Variants in NEGR1 observed in about 807,000 individuals in gnomAD.
NEGR1 encodes the protein neuronal growth regulator 1.
NEGR1 carries 10 observed loss-of-function variants against 40.9 expected under a neutral mutation model. That is an observed-to-expected ratio of 0.24 (90% CI 0.15 to 0.42). The LOEUF is 0.42. NEGR1 is among the 10% of genes least tolerant of loss of function. The pLI is 1.00. For synonymous variants in NEGR1, 185 were observed against 166.8 expected (o/e 1.11, Z -0.84); for missense variants, 352 against 438.9 (o/e 0.80, Z 1.77).
intron 6 of NEGR1, among the ~76,000 whole-genome samples, chr1:71,452,226 C>G (rs1217686587): frequency 6.6e-6 from 1 of 152,070 alleles, no homozygotes; most frequent in Non-Finnish European, 1.5e-5. Context: ...ATCTCATATC[C>G]TTAGATTTTC....
chr1:71,784,490 G>A (rs1008026483), intron 2 of NEGR1, among the ~76,000 whole-genome samples: 1 of 151,970 alleles, frequency 6.6e-6, no homozygotes, highest in African/African-American at 2.4e-5. Context: ...GTGCAGTGGG[G>A]CACCATCCTG....
intron 1 of NEGR1, among the ~76,000 whole-genome samples, chr1:72,050,697 C>T (rs1434331991): frequency 6.6e-6 from 1 of 151,390 alleles, no homozygotes. Context: ...TTGTATAGTT[C>T]CCCATCTCAC....
intron 1 of NEGR1, among the ~76,000 whole-genome samples, chr1:71,938,377 T>TAC (rs773240362): frequency 7.5e-5 from 11 of 146,856 alleles, no homozygotes; most frequent in African/African-American, 1.2e-4. Context: ...CATACACACA[T>TAC]ACACACACAC....
chr1:72,034,269 T>C lies in NEGR1; in HGVS notation c.177-98958A>G, dbSNP rs562239224. On this transcript the variant is annotated intron_variant, in intron 1 of 6. Transcript: ENST00000357731. ...GGTGTGTTACTTCCCTGTAGTACTGTTTTATTTCTTTAGCCCTTGGAAAAC... is the reference window on the plus strand; with the variant it reads ...GGTGTGTTACTTCCCTGTAGTACTGCTTTATTTCTTTAGCCCTTGGAAAAC... 2.3e-3 allele frequency among the ~76,000 whole-genome samples: 358 copies of C among 152,344 alleles called. 1 individual carries two copies. The highest frequency in any genetic ancestry group is 8.2e-3 in the African/African-American group (340 of 41,588).
At chr1:72,047,135 TTTTG>T (rs974638750) in intron 1 of NEGR1, among the ~76,000 whole-genome samples, 2 of 151,378 alleles carry the variant, frequency 1.3e-5, no homozygotes, top group African/African-American at 4.8e-5. Flanking sequence ...TGCTGTTTTG[TTTTG>T]TTTTTTTTTT....
intron 2 of NEGR1, among the ~76,000 whole-genome samples, chr1:71,876,821 G>A (rs761513328): frequency 3.3e-5 from 5 of 152,018 alleles, no homozygotes; most frequent in Admixed American, 1.3e-4. Context: ...TTCACTGATG[G>A]ATAAACATTG....
chr1:71,810,975 T>G (rs1657981724), intron 2 of NEGR1, among the ~76,000 whole-genome samples: 1 of 152,164 alleles, frequency 6.6e-6, no homozygotes, highest in Non-Finnish European at 1.5e-5. Flanking sequence ...TTAAGGTATA[T>G]ATTTCTCAAA....
intron 6 of NEGR1, among the ~76,000 whole-genome samples, chr1:71,417,857 A>G (rs1646366557): frequency 6.6e-6 from 1 of 152,158 alleles, no homozygotes; most frequent in Non-Finnish European, 1.5e-5. Context: ...TTGGCCCACA[A>G]AGAAATGTTC....
chr1:71,995,911 A>G (rs1646500335), intron 1 of NEGR1, among the ~76,000 whole-genome samples: 1 of 152,178 alleles, frequency 6.6e-6, no homozygotes, highest in Non-Finnish European at 1.5e-5. Flanking sequence ...TCTTCCTAGT[A>G]GCTAGTTTTG....
intron 6 of NEGR1, among the ~76,000 whole-genome samples, chr1:71,508,742 G>T (rs560410562): frequency 6.6e-6 from 1 of 152,290 alleles, no homozygotes; most frequent in East Asian, 1.9e-4. Flanking sequence ...TAAACACGGG[G>T]TGGGTAACTC....
intron 1 of NEGR1, among the ~76,000 whole-genome samples, chr1:72,021,489 G>A (rs1361555703): frequency 6.6e-6 from 1 of 151,864 alleles, no homozygotes; most frequent in Non-Finnish European, 1.5e-5. Context: ...ATTAATATTA[G>A]CAAATAGCTG....
chr1:71,440,440 A>G (rs1246668626), intron 6 of NEGR1, among the ~76,000 whole-genome samples: 3 of 152,222 alleles, frequency 2.0e-5, no homozygotes, highest in Admixed American at 6.5e-5. Context: ...AAATTCTACT[A>G]ATTTTCAAGA....
chr1:71,740,821 A>G (rs1321260583), intron 3 of NEGR1, among the ~76,000 whole-genome samples: 1 of 152,134 alleles, frequency 6.6e-6, no homozygotes, highest in Non-Finnish European at 1.5e-5. Flanking sequence ...CATTGCCTTC[A>G]TAAGTAAGGA....
intron 2 of NEGR1, among the ~76,000 whole-genome samples, chr1:71,855,461 C>G (rs556560337): frequency 5.3e-5 from 8 of 151,984 alleles, no homozygotes; most frequent in Admixed American, 5.3e-4. Flanking sequence ...GCTGCCATAG[C>G]CATTTAACTT....
In NEGR1 at chr1:71,404,165, T is replaced by TATATA. The variant is rs201512378; in HGVS notation, c.*3280_*3281insTATAT. 13 of 142,540 alleles carry TATATA rather than the reference T, an allele frequency of 9.1e-5. No individual in the cohort carries two copies. Among genetic ancestry groups the TATATA allele is most frequent in the African/African-American group, 2.7e-4 (10 of 37,462 alleles). 8.8% of individuals were successfully genotyped at this position (142,540 alleles called of 1,614,324 possible). On this transcript the variant is annotated 3_prime_UTR_variant, in exon 7 of 7. Transcript: ENST00000357731. The stretch of plus-strand genomic sequence containing the variant: ...GTAGGGGTATTTATATATATATATA[T>TATATA]TTTTTTTTTTCCCTGAATTACCTGG...
At chr1:71,721,673 C>T (rs1162129341) in intron 3 of NEGR1, among the ~76,000 whole-genome samples, 1 of 152,008 alleles carries the variant, frequency 6.6e-6, no homozygotes, top group Non-Finnish European at 1.5e-5. Flanking sequence ...CATTAAATAC[C>T]AGTAGCAGTC....
At chr1:71,991,204 C>A (rs1646447788) in intron 1 of NEGR1, among the ~76,000 whole-genome samples, 1 of 152,232 alleles carries the variant, frequency 6.6e-6, no homozygotes, top group South Asian at 2.1e-4. Flanking sequence ...CTACTCTTTT[C>A]TCTCTGAAAT....
intron 1 of NEGR1, among the ~76,000 whole-genome samples, chr1:72,177,354 A>C (rs1423131912): frequency 1.3e-5 from 2 of 152,054 alleles, no homozygotes; most frequent in Non-Finnish European, 2.9e-5. Context: ...ATTTACCAGA[A>C]TGCAGTGGCT....
chr1:71,642,232 G>T (rs1039346318), intron 4 of NEGR1, among the ~76,000 whole-genome samples: 1 of 151,922 alleles, frequency 6.6e-6, no homozygotes, highest in African/African-American at 2.4e-5. Flanking sequence ...TGCTAATAAT[G>T]AGTGTAATAT....
Sources: allele counts gnomAD v4.1 joint callset (sites outside exome capture counted in the v4.1 genomes callset), GRCh38; gene constraint gnomAD v4.1.1; transcripts MANE v1.5; gene names NCBI Gene and HGNC (gene_info 2026-07-23, HGNC 2026-07-21).